ADGRG2: variants seen among roughly 807,000 people sequenced by gnomAD.
The protein encoded by ADGRG2 is adhesion G protein-coupled receptor G2.
A neutral mutation model predicts 74.1 loss-of-function variants in ADGRG2; 26 were observed. The ratio of observed to expected loss-of-function variants is 0.35; its 90% confidence interval spans 0.26 to 0.49. ADGRG2 has a LOEUF of 0.49. ADGRG2 is among the 20% of genes least tolerant of loss of function. The pLI is 0.99. For missense variants in ADGRG2, 619 were observed against 763.1 expected (o/e 0.81, Z 2.22); for synonymous variants, 296 against 295.2 (o/e 1.00, Z -0.03).
At chrX:19,029,764 A>G (rs2060787647) in intron 9 of ADGRG2, among the ~76,000 whole-genome samples, 1 of 110,515 alleles carries the variant, frequency 9.0e-6, no homozygotes, top group Non-Finnish European at 1.9e-5. Flanking sequence ...ACTGAACTAG[A>G]CATTAGTCAC....
At chrX:19,013,610 T>C (rs2060403027) in intron 16 of ADGRG2, 76 bp downstream of exon 16, 9 of 894,337 alleles carry the variant, frequency 1.0e-5, no homozygotes, top group Non-Finnish European at 1.4e-5. Context: ...GCGAACATCA[T>C]ACAAAGAAAG....
intron 28 of ADGRG2, among the ~76,000 whole-genome samples, chrX:18,993,692 A>G (rs1414529131): frequency 9.2e-6 from 1 of 108,384 alleles, no homozygotes; most frequent in Non-Finnish European, 1.9e-5. Flanking sequence ...AAAAAGAAAA[A>G]AAAAAAAAAA....
At chrX:19,088,115 T>C (rs1323038596) in intron 1 of ADGRG2, among the ~76,000 whole-genome samples, 2 of 112,284 alleles carry the variant, frequency 1.8e-5, no homozygotes, top group Non-Finnish European at 3.8e-5. Context: ...GGACATAACC[T>C]TCCTTAGACT....
intron 7 of ADGRG2, 44 bp downstream of exon 7, chrX:19,035,898 G>A (rs372367424): frequency 8.2e-6 from 6 of 727,612 alleles, no homozygotes; most frequent in Non-Finnish European, 1.3e-5. Flanking sequence ...ACACTCAAGA[G>A]GCTGCAGAAG....
chrX:19,070,655 G>A (rs1236795557), intron 2 of ADGRG2, among the ~76,000 whole-genome samples: 1 of 112,236 alleles, frequency 8.9e-6, no homozygotes, highest in Non-Finnish European at 1.9e-5. Context: ...GGACAAACCA[G>A]GCTGTGTGTC....
chrX:19,050,754 G>A (rs370593149), intron 3 of ADGRG2, among the ~76,000 whole-genome samples: 3 of 111,284 alleles, frequency 2.7e-5, no homozygotes, highest in East Asian at 5.7e-4. Context: ...AATGACTGAT[G>A]TCCAGATCCC....
chrX:19,038,368 G>GTC (rs2060985388), intron 4 of ADGRG2, among the ~76,000 whole-genome samples: 1 of 112,212 alleles, frequency 8.9e-6, no homozygotes, highest in Non-Finnish European at 1.9e-5. Flanking sequence ...AGTTGGGTGT[G>GTC]TCAAGGCACT....
intron 1 of ADGRG2, among the ~76,000 whole-genome samples, chrX:19,106,919 C>CAA (rs764991533): frequency 1.3e-4 from 13 of 103,018 alleles, no homozygotes; most frequent in African/African-American, 4.6e-4. Flanking sequence ...GACTCTGTCT[C>CAA]AAAAAAAAAA....
Position 19,053,714 on chromosome X carries a change from G to A in ADGRG2, c.119-13490C>T, listed in dbSNP as rs371776116. On this transcript the variant is annotated intron_variant, in intron 3 of 28. Transcript: ENST00000379869. The stretch of plus-strand genomic sequence containing the variant: ...TGCTCAAGTCAGTAGTTAATACAAT[G>A]ACTGTATTAGTCCGTTTTCACGCTC... Among the ~76,000 whole-genome samples, 3 of 112,179 alleles carry A rather than the reference G, an allele frequency of 2.7e-5. No individual in the cohort carries two copies. In the East Asian group the frequency reaches 8.4e-4, roughly 31 times the overall value.
rs764441977 is a variant in ADGRG2 at position 19,064,764 on chromosome X, A to G, written c.118+3953T>C. ...TCCAACATACAAGCTTTGGAGCCAGATGGCCTGAATTTGAATTGTAACTCT... is the reference window on the plus strand; with the variant it reads ...TCCAACATACAAGCTTTGGAGCCAGGTGGCCTGAATTTGAATTGTAACTCT... On this transcript the variant is annotated intron_variant, in intron 3 of 28. Coordinates refer to ENST00000379869, the MANE Select transcript of ADGRG2 (RefSeq NM_001079858.3). Among the ~76,000 whole-genome samples the G allele has an allele frequency of 5.3e-5, 6 of 112,467 alleles. No individual in the cohort carries two copies. The East Asian group carries it at 1.7e-3, about 31-fold the overall frequency.
intron 2 of ADGRG2, among the ~76,000 whole-genome samples, chrX:19,070,253 A>T (rs745467913): frequency 1.7e-4 from 19 of 112,770 alleles, no homozygotes; most frequent in Admixed American, 9.3e-5. Context: ...CATTGCTTGC[A>T]TTTCAGTAGT....
At chrX:19,027,155 G>T in intron 11 of ADGRG2, 64 bp downstream of exon 11, 1 of 770,174 alleles carries the variant, frequency 1.3e-6, no homozygotes. Context: ...TTGCAAACAT[G>T]GCTCAAAAAG....
chrX:19,121,296 G>A (rs2062605043), intron 1 of ADGRG2, among the ~76,000 whole-genome samples: 1 of 111,349 alleles, frequency 9.0e-6, no homozygotes, highest in African/African-American at 3.3e-5. Flanking sequence ...GGGGGCTGGG[G>A]GTAATCACTC....
chrX:19,064,107 C>T (rs1053192599), intron 3 of ADGRG2, among the ~76,000 whole-genome samples: 3 of 111,575 alleles, frequency 2.7e-5, no homozygotes, highest in Non-Finnish European at 5.7e-5. Context: ...TGGTTTGTCC[C>T]GCACATGGGC....
chrX:19,030,242 T>A (rs1367049604), intron 9 of ADGRG2, among the ~76,000 whole-genome samples: 3 of 112,090 alleles, frequency 2.7e-5, no homozygotes, highest in African/African-American at 9.7e-5. Context: ...CTTCTCATGA[T>A]CTCTGGCCAA....
rs141354241 is a variant in ADGRG2 at position 19,004,567 on chromosome X, T to C, written c.1961+191A>G. On this transcript the variant is annotated intron_variant, in intron 23 of 28. Transcript: ENST00000379869. ...GATGATTCTGACACAACCCCTGCCTTCAGGGAGTCCACAGACTAGTGTGAG... is the reference window on the plus strand; with the variant it reads ...GATGATTCTGACACAACCCCTGCCTCCAGGGAGTCCACAGACTAGTGTGAG... Among the ~76,000 whole-genome samples the C allele has an allele frequency of 2.4e-4, 27 of 111,887 alleles. 1 individual carries two copies. In the East Asian group the frequency reaches 7.3e-3, roughly 30 times the overall value.
At chrX:19,101,625 T>C (rs1280363431) in intron 1 of ADGRG2, among the ~76,000 whole-genome samples, 1 of 109,077 alleles carries the variant, frequency 9.2e-6, no homozygotes. Flanking sequence ...CATTTGAGCC[T>C]AGGAGGCCAA....
intron 16 of ADGRG2, among the ~76,000 whole-genome samples, chrX:19,012,630 CA>C (rs71924946): frequency 0.036 from 1,204 of 33,041 alleles, 15 homozygotes; most frequent in African/African-American, 0.075. Context: ...CCAAAGCTAC[CA>C]AAAAAAAAAA....
At chrX:19,033,982 G>A (rs1048400786) in intron 7 of ADGRG2, 1 of 140,314 alleles carries the variant, frequency 7.1e-6, no homozygotes, top group Admixed American at 9.2e-5. Flanking sequence ...CAGATATGTA[G>A]AATTAAGCCA....
Sources: allele counts gnomAD v4.1 joint callset (sites outside exome capture counted in the v4.1 genomes callset), GRCh38; gene constraint gnomAD v4.1.1; transcripts MANE v1.5; gene names NCBI Gene and HGNC (gene_info 2026-07-23, HGNC 2026-07-21).